The following LDLRAD4 variants were observed in gnomAD, a reference collection of about 807,000 sequenced individuals.
The protein encoded by LDLRAD4 is low density lipoprotein receptor class A domain containing 4.
In LDLRAD4, 5 loss-of-function variants were observed where a neutral mutation model predicts 17.0. That is an observed-to-expected ratio of 0.29 (90% confidence interval 0.15 to 0.62). LDLRAD4 has a LOEUF of 0.62. Among genes scored for constraint, LDLRAD4 ranks in the 20% least tolerant of loss-of-function variants. The probability of loss-of-function intolerance (pLI) is 0.84; values close to 1 mark genes in which losing one functional copy is unlikely to be tolerated. For synonymous variants in LDLRAD4, 168 were observed against 171.8 expected, an observed-to-expected ratio of 0.98 and a Z score of 0.17; for missense variants, 340 against 424.7, an observed-to-expected ratio of 0.80 and a Z score of 1.75.
At position 13,344,979 on chromosome 18, in the gene LDLRAD4, G is replaced by A. The variant is rs1343276017; in HGVS notation, c.-382-42362G>A. 3.9e-5 allele frequency among the ~76,000 whole-genome samples: 6 copies of A among 152,136 alleles called. No homozygotes were observed. In the South Asian group the frequency reaches 8.3e-4, roughly 21 times the overall value. Reference sequence around the variant, plus strand: ...TTGCTTATCAGCTTAAGGAGATTTTGTTCTGAGACAATGGGGTTTTCTAGA... The same window carrying A: ...TTGCTTATCAGCTTAAGGAGATTTTATTCTGAGACAATGGGGTTTTCTAGA... On this transcript the variant is annotated intron_variant, in intron 1 of 5. Coordinates refer to ENST00000359446, the Ensembl canonical transcript of LDLRAD4.
intron 3 of LDLRAD4, among the ~76,000 whole-genome samples, chr18:13,457,381 T>C (rs571937755): frequency 6.6e-6 from 1 of 152,332 alleles, no homozygotes; most frequent in East Asian, 1.9e-4. Flanking sequence ...CAAGAGCCTC[T>C]GCATGTTCCG....
Position 13,652,752 on chromosome 18 carries a change from T to C in LDLRAD4, c.*7095T>C, listed in dbSNP as rs185336349. On this transcript the variant is annotated 3_prime_UTR_variant, in exon 6 of 6. Transcript: ENST00000359446. Reference sequence around the variant, plus strand: ...AAATCATTAAAAATAATCAGCGGCATACATTTGTCCCTTGGGTTTTTGTTT... The same window carrying C: ...AAATCATTAAAAATAATCAGCGGCACACATTTGTCCCTTGGGTTTTTGTTT... The C allele has an allele frequency of 6.5e-6, 1 of 152,772 alleles. No individual in the cohort carries two copies. 9.5% of individuals were successfully genotyped at this position (152,772 alleles called of 1,614,324 possible). A position where few individuals can be genotyped will look rare whatever the true frequency, so the allele number is the denominator to read the frequency against.
intron 1 of LDLRAD4, among the ~76,000 whole-genome samples, chr18:13,285,339 G>T (rs1006209259): frequency 2.6e-5 from 4 of 152,278 alleles, no homozygotes; most frequent in African/African-American, 9.6e-5. Flanking sequence ...TTGGCTTGGG[G>T]CAGTCACTTC....
chr18:13,225,356 C>G (rs1440436128), intron 1 of LDLRAD4, among the ~76,000 whole-genome samples: 1 of 152,218 alleles, frequency 6.6e-6, no homozygotes, highest in Non-Finnish European at 1.5e-5. Context: ...CCTCACAGCT[C>G]TTGAGCCACC....
chr18:13,531,638 A>T (rs1318577603), intron 3 of LDLRAD4, among the ~76,000 whole-genome samples: 3 of 137,682 alleles, frequency 2.2e-5, no homozygotes, highest in Non-Finnish European at 4.6e-5. Context: ...TAACAATGTC[A>T]TGGGGAGAGG....
chr18:13,275,075 A>G (rs1347103548), upstream of LDLRAD4, among the ~76,000 whole-genome samples: 1 of 152,142 alleles, frequency 6.6e-6, no homozygotes, highest in African/African-American at 2.4e-5. Context: ...ATTTTGAAAC[A>G]GGTTGCCAGG....
intron 4 of LDLRAD4, among the ~76,000 whole-genome samples, chr18:13,636,466 A>AGTT (rs1195153123): frequency 6.6e-6 from 1 of 151,180 alleles, no homozygotes; most frequent in Non-Finnish European, 1.5e-5. Flanking sequence ...CTTTTCACAA[A>AGTT]GTTGAATGTT....
chr18:13,372,362 G>T (rs1462306689), intron 1 of LDLRAD4, among the ~76,000 whole-genome samples: 2 of 152,232 alleles, frequency 1.3e-5, no homozygotes, highest in Non-Finnish European at 1.5e-5. Flanking sequence ...GAGAGGAAGA[G>T]AGGATTTGCT....
intron 1 of LDLRAD4, among the ~76,000 whole-genome samples, chr18:13,256,130 C>T (rs933004434): frequency 6.6e-6 from 1 of 152,194 alleles, no homozygotes; most frequent in Non-Finnish European, 1.5e-5. Context: ...CCTGGGAGAA[C>T]AGGTGCTGTG....
At chr18:13,640,746 C>A (rs2042476514) in intron 4 of LDLRAD4, among the ~76,000 whole-genome samples, 1 of 152,160 alleles carries the variant, frequency 6.6e-6, no homozygotes, top group African/African-American at 2.4e-5. Context: ...CTGCGTTACC[C>A]TCTGCACCCC....
chr18:13,624,686 C>T (rs1358581746), intron 4 of LDLRAD4, among the ~76,000 whole-genome samples: 1 of 152,234 alleles, frequency 6.6e-6, no homozygotes, highest in Non-Finnish European at 1.5e-5. Context: ...GTTCCAAGTT[C>T]CCCGCCTTCC....
intron 3 of LDLRAD4, chr18:13,483,923 C>G (rs1210556361): frequency 6.5e-6 from 1 of 152,814 alleles, no homozygotes; most frequent in Non-Finnish European, 1.5e-5. Context: ...TGCTCTGTCT[C>G]CTGCCATCTG....
intron 1 of LDLRAD4, among the ~76,000 whole-genome samples, chr18:13,254,329 A>G (rs186000429): frequency 2.3e-4 from 35 of 152,314 alleles, no homozygotes; most frequent in African/African-American, 8.2e-4. Context: ...GTGGGATCTT[A>G]TAGGCCTTGG....
At chr18:13,607,577 T>C (rs747937730) in intron 3 of LDLRAD4, among the ~76,000 whole-genome samples, 4 of 152,206 alleles carry the variant, frequency 2.6e-5, no homozygotes, top group Non-Finnish European at 5.9e-5. Context: ...ATTTGTCCTA[T>C]TGCCCTTCCT....
At chr18:13,592,366 T>G (rs1200075969) in intron 3 of LDLRAD4, among the ~76,000 whole-genome samples, 1 of 152,218 alleles carries the variant, frequency 6.6e-6, no homozygotes, top group Non-Finnish European at 1.5e-5. Flanking sequence ...TTCTTTCTTT[T>G]AAAACTGGTT....
chr18:13,386,921 TA>T, intron 1 of LDLRAD4, among the ~76,000 whole-genome samples: 1 of 48,502 alleles, frequency 2.1e-5, no homozygotes, highest in African/African-American at 5.3e-5. Flanking sequence ...GATAGATAGA[TA>T]GATAGATAGA....
intron 3 of LDLRAD4, among the ~76,000 whole-genome samples, chr18:13,473,028 T>C (rs2092821176): frequency 6.6e-6 from 1 of 152,186 alleles, no homozygotes; most frequent in African/African-American, 2.4e-5. Context: ...ATTAATCTTC[T>C]CAACTGAAAT....
At chr18:13,650,109 C>A in exon 6 of LDLRAD4, 1 of 398,732 alleles carries the variant, frequency 2.5e-6, no homozygotes, top group East Asian at 3.6e-5. Flanking sequence ...GAGATGTGAA[C>A]AGACAATGGA....
intron 1 of LDLRAD4, among the ~76,000 whole-genome samples, chr18:13,231,437 G>A (rs1415393726): frequency 1.3e-5 from 2 of 152,184 alleles, no homozygotes; most frequent in African/African-American, 4.8e-5. Context: ...GAGATCGCGT[G>A]AGTCTGGTTC....
Sources: allele counts gnomAD v4.1 joint callset (sites outside exome capture counted in the v4.1 genomes callset), GRCh38; gene constraint gnomAD v4.1.1; transcripts MANE v1.5; gene names NCBI Gene and HGNC (gene_info 2026-07-23, HGNC 2026-07-21).